Variants in ABI3BP observed in about 807,000 individuals in gnomAD.
The protein encoded by ABI3BP is target of Nesh-SH3.
A neutral mutation model predicts 268.6 loss-of-function variants in ABI3BP; 216 were observed. The observed-to-expected ratio is 0.80, with a 90% confidence interval of 0.72 to 0.90. ABI3BP has a LOEUF of 0.90. Ranked by LOEUF, ABI3BP falls within the 40% of genes least tolerant of loss-of-function variation. The pLI is 0.00. For synonymous variants in ABI3BP, 730 were observed against 730.0 expected (o/e 1.00, Z 0.00); for missense variants, 2,090 against 2,182.4 (o/e 0.96, Z 0.84).
At chr3:100,851,287 A>T (rs539532173) in intron 15 of ABI3BP, among the ~76,000 whole-genome samples, 10 of 152,172 alleles carry the variant, frequency 6.6e-5, no homozygotes, top group Admixed American at 2.0e-4. Flanking sequence ...CAAAGATTAG[A>T]CCCAATTGAA....
In ABI3BP at chr3:100,792,786, A is replaced by G. The variant is rs1229992474; in HGVS notation, c.3947-18T>C. On this transcript the variant is annotated intron_variant, in intron 54 of 67. Transcript: ENST00000471714. Reference sequence around the variant, plus strand: ...TGTTTCTTCTAGAGAAAACACAGTAAGATTGCTTGTTTTAAATAATTAACA... The same window carrying G: ...TGTTTCTTCTAGAGAAAACACAGTAGGATTGCTTGTTTTAAATAATTAACA... 6.2e-7 allele frequency: 1 copy of G among 1,603,624 alleles called. No individual in the cohort carries two copies. Among genetic ancestry groups the G allele is most frequent in the African/African-American group, 1.3e-5 (1 of 74,712 alleles).
At chr3:100,769,606 C>T (rs2096476055) in intron 62 of ABI3BP, among the ~76,000 whole-genome samples, 1 of 152,182 alleles carries the variant, frequency 6.6e-6, no homozygotes, top group Admixed American at 6.5e-5. Context: ...AACTAAGCCT[C>T]AGATGATCAC....
intron 4 of ABI3BP, among the ~76,000 whole-genome samples, chr3:100,896,076 T>G (rs1422566984): frequency 2.0e-5 from 3 of 152,252 alleles, no homozygotes; most frequent in Non-Finnish European, 4.4e-5. Context: ...TCCTAATGGT[T>G]CCCTACTTTG....
intron 31 of ABI3BP, 114 bp from the exon 32 acceptor site, chr3:100,830,748 A>G (rs2098476837): frequency 1.3e-6 from 1 of 771,336 alleles, no homozygotes; most frequent in African/African-American, 1.7e-5. Context: ...AATTCTTAAT[A>G]TCATAACTCA....
intron 58 of ABI3BP, chr3:100,778,656 C>A: frequency 3.1e-6 from 1 of 318,324 alleles, no homozygotes; most frequent in Non-Finnish European, 5.6e-6. Flanking sequence ...GTGGGTTCCC[C>A]ATCAGTTAAT....
chr3:100,894,800 A>G lies in ABI3BP; in HGVS notation c.461+3962T>C, dbSNP rs566538612. Among the ~76,000 whole-genome samples, 83 of 151,870 alleles carry G rather than the reference A, an allele frequency of 5.5e-4. 1 individual carries two copies. In the South Asian group the frequency reaches 6.5e-3, roughly 12 times the overall value. ...TAAAAATACAAAAAATTAGCTAGGC[A>G]TGGTGGCCGGTGCCTGTAGTCCCAG... On this transcript the variant is annotated intron_variant, in intron 4 of 67. Transcript: ENST00000471714.
At chr3:100,803,087 C>T (rs567916884) in intron 51 of ABI3BP, among the ~76,000 whole-genome samples, 1 of 146,196 alleles carries the variant, frequency 6.8e-6, no homozygotes, top group South Asian at 2.4e-4. Context: ...GCAGGGCCAA[C>T]ACCAGATTTA....
At chr3:100,771,135 G>C (rs925133967) in intron 61 of ABI3BP, among the ~76,000 whole-genome samples, 183 bp from the exon 62 acceptor site, 26 of 152,120 alleles carry the variant, frequency 1.7e-4, no homozygotes, top group African/African-American at 6.3e-4. Context: ...CGTGATATAG[G>C]GTGGTGTTGA....
intron 1 of ABI3BP, among the ~76,000 whole-genome samples, chr3:100,955,505 T>C (rs1429796509): frequency 1.3e-5 from 2 of 152,230 alleles, no homozygotes; most frequent in South Asian, 2.1e-4. Flanking sequence ...TTGTTTCTTT[T>C]CTTCATAAGA....
intron 39 of ABI3BP, 56 bp downstream of exon 39, chr3:100,820,998 A>G: frequency 7.2e-7 from 1 of 1,397,536 alleles, no homozygotes; most frequent in South Asian, 1.2e-5. Flanking sequence ...TGATGATGGA[A>G]TGGGTTTGAC....
chr3:100,852,696 C>T (rs529155764), intron 14 of ABI3BP, among the ~76,000 whole-genome samples: 46 of 152,210 alleles, frequency 3.0e-4, no homozygotes, highest in Non-Finnish European at 5.4e-4. Flanking sequence ...CTAGAGGCAG[C>T]TTTCTGTGCT....
intron 2 of ABI3BP, among the ~76,000 whole-genome samples, chr3:100,909,422 T>C (rs186677905): frequency 3.6e-4 from 53 of 149,064 alleles, no homozygotes; most frequent in African/African-American, 1.3e-3. Context: ...TGGGATCTGA[T>C]TAAACTAAAG....
At chr3:100,770,186 A>G (rs1376317567) in intron 62 of ABI3BP, among the ~76,000 whole-genome samples, 5 of 152,206 alleles carry the variant, frequency 3.3e-5, no homozygotes, top group African/African-American at 9.6e-5. Flanking sequence ...GTTATGGAGA[A>G]TCAGACTGTT....
At chr3:100,835,067 C>T (rs1033483062) in intron 28 of ABI3BP, among the ~76,000 whole-genome samples, 3 of 152,132 alleles carry the variant, frequency 2.0e-5, no homozygotes, top group Admixed American at 6.6e-5. Flanking sequence ...GACATAGGCA[C>T]GTAGACATCA....
intron 18 of ABI3BP, 51 bp downstream of exon 18, chr3:100,848,750 G>C (rs1366858058): frequency 6.4e-7 from 1 of 1,552,884 alleles, no homozygotes; most frequent in Non-Finnish European, 8.9e-7. Context: ...TAAGAAAATG[G>C]ACATTGTCTA....
At chr3:100,765,996 T>C in intron 62 of ABI3BP, 47 bp from the exon 63 acceptor site, 1 of 1,403,550 alleles carries the variant, frequency 7.1e-7, no homozygotes, top group Non-Finnish European at 9.9e-7. Context: ...ATTTCTTGGC[T>C]GACTTAATTG....
chr3:100,768,342 C>A (rs2096401538), intron 62 of ABI3BP, among the ~76,000 whole-genome samples: 2 of 152,148 alleles, frequency 1.3e-5, no homozygotes, highest in Non-Finnish European at 2.9e-5. Flanking sequence ...CCCACCTCAG[C>A]CTCCCAGAGT....
intron 2 of ABI3BP, among the ~76,000 whole-genome samples, chr3:100,903,098 C>T (rs1015854551): frequency 1.7e-4 from 26 of 152,178 alleles, no homozygotes; most frequent in Non-Finnish European, 1.8e-4. Flanking sequence ...CCGTGGGCCT[C>T]ACCTGTATGA....
chr3:100,912,613 G>C (rs1055114025), intron 2 of ABI3BP, among the ~76,000 whole-genome samples: 2 of 152,084 alleles, frequency 1.3e-5, no homozygotes, highest in African/African-American at 4.8e-5. Context: ...ATTTGCATCT[G>C]TAAGTGCTCA....
Sources: allele counts gnomAD v4.1 joint callset (sites outside exome capture counted in the v4.1 genomes callset), GRCh38; gene constraint gnomAD v4.1.1; transcripts MANE v1.5; gene names NCBI Gene and HGNC (gene_info 2026-07-23, HGNC 2026-07-21).